The following ANKS1B variants were observed in gnomAD, a reference collection of about 807,000 sequenced individuals.
ANKS1B encodes ankyrin repeat and sterile alpha motif domain containing 1B.
A neutral mutation model predicts 148.3 loss-of-function variants in ANKS1B; 36 were observed. The observed-to-expected ratio is 0.24, with a 90% CI of 0.19 to 0.32. ANKS1B has a LOEUF of 0.32. Ranked by LOEUF, ANKS1B falls within the 10% of genes least tolerant of loss-of-function variation. ANKS1B has a pLI of 1.00. For synonymous variants in ANKS1B, 542 were observed against 560.8 expected (o/e 0.97, Z 0.47); for missense variants, 1,157 against 1,542.6 (o/e 0.75, Z 4.19).
chr12:99,811,542 T>C (rs2153666674), intron 3 of ANKS1B, among the ~76,000 whole-genome samples: 1 of 152,018 alleles, frequency 6.6e-6, no homozygotes, highest in South Asian at 2.1e-4. Context: ...TTAAAATATG[T>C]CCATTATGTG....
At chr12:99,889,840 G>C (rs2153746629) in intron 1 of ANKS1B, among the ~76,000 whole-genome samples, 1 of 152,180 alleles carries the variant, frequency 6.6e-6, no homozygotes, top group East Asian at 1.9e-4. Context: ...TATTAGGCTG[G>C]AATCGTGGTA....
At chr12:99,698,218 T>C (rs2054228079) in intron 8 of ANKS1B, among the ~76,000 whole-genome samples, 1 of 152,116 alleles carries the variant, frequency 6.6e-6, no homozygotes, top group Non-Finnish European at 1.5e-5. Flanking sequence ...ATCAAATAGA[T>C]AACTATATAG....
chr12:99,145,543 C>A (rs751699506), intron 15 of ANKS1B, among the ~76,000 whole-genome samples: 6 of 151,946 alleles, frequency 3.9e-5, no homozygotes, highest in African/African-American at 1.4e-4. Context: ...AAAGTGAATG[C>A]GTATATTTAT....
intron 9 of ANKS1B, among the ~76,000 whole-genome samples, chr12:99,529,614 C>A (rs1173425697): frequency 1.3e-5 from 2 of 148,224 alleles, no homozygotes; most frequent in African/African-American, 2.7e-5. Context: ...GATTGCACCA[C>A]TGCACACCAG....
intron 4 of ANKS1B, among the ~76,000 whole-genome samples, chr12:99,800,966 G>A (rs2066877416): frequency 6.6e-6 from 1 of 152,142 alleles, no homozygotes; most frequent in Admixed American, 6.6e-5. Context: ...GATGCTTAGA[G>A]ATCAAGAAGA....
chr12:99,665,881 C>A (rs1203124390), intron 8 of ANKS1B, among the ~76,000 whole-genome samples: 1 of 152,134 alleles, frequency 6.6e-6, no homozygotes, highest in Non-Finnish European at 1.5e-5. Flanking sequence ...TATAAGAAAT[C>A]TTTGCCTAAC....
chr12:99,086,605 A>G (rs1286724636), intron 15 of ANKS1B, among the ~76,000 whole-genome samples: 2 of 152,236 alleles, frequency 1.3e-5, no homozygotes, highest in Non-Finnish European at 2.9e-5. Context: ...TGAGCCCACA[A>G]TGTCCAAGGA....
chr12:99,453,170 G>A (rs1389944320), intron 10 of ANKS1B, among the ~76,000 whole-genome samples: 2 of 152,056 alleles, frequency 1.3e-5, no homozygotes, highest in Non-Finnish European at 2.9e-5. Flanking sequence ...GGTGCCTGTA[G>A]TCCCAGCTAC....
In ANKS1B at chr12:99,775,630, G is replaced by T. The variant is rs760059246; in HGVS notation, c.879C>A (p.Val293=). The change falls in exon 7 of 27, where the codon GTC becomes GTA. Residue 293 remains valine, a synonymous_variant. Transcript: ENST00000683438. ...CATCTTCCTGTACAGGCTCTTCGAG[G>T]ACTGTAGATCTTCCCACGCCTTCTA... ...EYLEGVGRST[V]LEEPVQEDAT... is the part of the protein sequence containing the mutation. 1 of 1,611,810 alleles carries T rather than the reference G, an allele frequency of 6.2e-7. No homozygotes were observed. Among genetic ancestry groups the T allele is most frequent in the Non-Finnish European group, 8.5e-7 (1 of 1,178,372 alleles).
intron 15 of ANKS1B, among the ~76,000 whole-genome samples, chr12:99,103,153 T>A (rs1317198514): frequency 1.3e-5 from 2 of 151,996 alleles, no homozygotes; most frequent in Non-Finnish European, 2.9e-5. Context: ...AGGTGTAGAA[T>A]CCTTACTCCT....
intron 15 of ANKS1B, among the ~76,000 whole-genome samples, chr12:99,085,982 C>T (rs964817735): frequency 6.6e-6 from 1 of 152,152 alleles, no homozygotes; most frequent in African/African-American, 2.4e-5. Context: ...ACCTACGTAA[C>T]AAACTGCATG....
At chr12:99,520,182 T>C (rs1338494639) in intron 9 of ANKS1B, among the ~76,000 whole-genome samples, 1 of 152,232 alleles carries the variant, frequency 6.6e-6, no homozygotes, top group East Asian at 1.9e-4. Flanking sequence ...TACCTATAGA[T>C]GATTTCTTCT....
intron 8 of ANKS1B, among the ~76,000 whole-genome samples, chr12:99,699,510 T>C (rs950264465): frequency 3.3e-5 from 5 of 152,126 alleles, no homozygotes; most frequent in African/African-American, 4.8e-5. Context: ...TAATAATGCA[T>C]TATGCACAGT....
chr12:98,739,360 T>TA (rs2097787427), downstream of ANKS1B, among the ~76,000 whole-genome samples: 2 of 152,208 alleles, frequency 1.3e-5, no homozygotes, highest in African/African-American at 4.8e-5. Context: ...TCTGTGCCTG[T>TA]AGAGATTGCT....
chr12:98,956,675 G>A (rs947043488), intron 17 of ANKS1B, among the ~76,000 whole-genome samples: 19 of 152,054 alleles, frequency 1.2e-4, no homozygotes, highest in Admixed American at 5.9e-4. Context: ...TAAGCTGTGG[G>A]GGATACAAAG....
chr12:99,264,558 T>C (rs570602289), intron 12 of ANKS1B, among the ~76,000 whole-genome samples: 17 of 152,282 alleles, frequency 1.1e-4, no homozygotes, highest in African/African-American at 4.1e-4. Flanking sequence ...TGAATATCAT[T>C]GAGATCCATT....
chr12:98,812,763 G>A (rs894575456), intron 19 of ANKS1B, among the ~76,000 whole-genome samples: 2 of 152,014 alleles, frequency 1.3e-5, no homozygotes, highest in African/African-American at 2.4e-5. Context: ...TAGTAGATAT[G>A]GGGTTTCACC....
At chr12:98,863,277 A>G (rs1359515717) in intron 17 of ANKS1B, among the ~76,000 whole-genome samples, 1 of 152,220 alleles carries the variant, frequency 6.6e-6, no homozygotes, top group African/African-American at 2.4e-5. Flanking sequence ...TGAGAAGAAC[A>G]AAACAGTGGG....
Position 99,246,302 on chromosome 12 carries a change from T to G in ANKS1B, c.2319A>C (p.Thr773=). The change falls in exon 13 of 27, where the codon ACA becomes ACC. Residue 773 remains threonine (T), a synonymous_variant. Transcript: ENST00000683438. ...CTTCCCATTCCGATGTGAAGGATGG[T>G]GTTCTTTCAGAATTCCCTTTAGAAC... ...EHSSKGNSER[T]PSFTSEWEEI... is the part of the protein sequence containing the mutation. 1.2e-6 allele frequency: 2 copies of G among 1,600,274 alleles called. No individual in the cohort carries two copies. The highest frequency in any genetic ancestry group is 1.7e-6 in the Non-Finnish European group (2 of 1,172,998).
Sources: gnomAD v4.1 joint callset for allele counts (sites outside exome capture counted in the v4.1 genomes callset) on GRCh38, gnomAD v4.1.1 for gene constraint, MANE v1.5 for transcripts, NCBI Gene and HGNC (gene_info 2026-07-23, HGNC 2026-07-21) for gene names.